The following GLT1D1 variants were observed in gnomAD, a reference collection of about 807,000 sequenced individuals.
GLT1D1 encodes glycosyltransferase 1 domain containing 1.
In GLT1D1, 21 loss-of-function variants were observed where a neutral mutation model predicts 28.7. The ratio of observed to expected loss-of-function variants is 0.73; its 90% CI spans 0.52 to 1.05. GLT1D1 has a LOEUF of 1.05. Ranked by LOEUF, GLT1D1 falls within the 50% of genes least tolerant of loss-of-function variation. The probability of loss-of-function intolerance (pLI) is 0.00; values close to 1 mark genes in which losing one functional copy is unlikely to be tolerated. For missense variants in GLT1D1, 343 were observed against 330.6 expected (o/e 1.04, Z -0.29); for synonymous variants, 147 against 124.8 (o/e 1.18, Z -1.19).
chr12:128,962,425 G>T (rs1565916338), intron 7 of GLT1D1, among the ~76,000 whole-genome samples: 2 of 152,228 alleles, frequency 1.3e-5, no homozygotes, highest in Non-Finnish European at 2.9e-5. Flanking sequence ...CAGCAGCAAT[G>T]AGGTCTTTAG....
chr12:128,959,232 C>T (rs959260790), intron 7 of GLT1D1, among the ~76,000 whole-genome samples: 7 of 151,582 alleles, frequency 4.6e-5, no homozygotes, highest in Non-Finnish European at 1.0e-4. Flanking sequence ...TGCTTAAAAA[C>T]TAAAAACTCA....
intron 1 of GLT1D1, among the ~76,000 whole-genome samples, chr12:128,874,125 T>TTC (rs1240475735): frequency 4.3e-5 from 2 of 46,976 alleles, no homozygotes; most frequent in African/African-American, 1.9e-4. Context: ...TCTCTCTCTC[T>TTC]CTTTCTTTCT....
chr12:128,881,140 C>T (rs978773942), intron 2 of GLT1D1, among the ~76,000 whole-genome samples: 8 of 143,884 alleles, frequency 5.6e-5, no homozygotes, highest in Non-Finnish European at 1.0e-4. Flanking sequence ...AGGCGAGTGG[C>T]GTGAACCCGG....
intron 3 of GLT1D1, among the ~76,000 whole-genome samples, chr12:128,895,601 C>T (rs1440381641): frequency 6.6e-6 from 1 of 152,002 alleles, no homozygotes; most frequent in Non-Finnish European, 1.5e-5. Flanking sequence ...GGATTACAGG[C>T]ATGCACCACC....
chr12:128,972,958 G>A (rs929284587), intron 7 of GLT1D1, among the ~76,000 whole-genome samples: 1 of 152,080 alleles, frequency 6.6e-6, no homozygotes, highest in Non-Finnish European at 1.5e-5. Flanking sequence ...CAACTTTCAA[G>A]TATACTAGAG....
At chr12:128,896,075 C>G (rs1869591054) in intron 3 of GLT1D1, among the ~76,000 whole-genome samples, 1 of 152,046 alleles carries the variant, frequency 6.6e-6, no homozygotes, top group South Asian at 2.1e-4. Flanking sequence ...AGCACAGTTT[C>G]AATGGTGCAG....
chr12:128,933,399 A>T (rs1337114852), intron 4 of GLT1D1, among the ~76,000 whole-genome samples: 1 of 152,274 alleles, frequency 6.6e-6, no homozygotes. Context: ...CTTTTACTTC[A>T]TGCAGTTCAT....
intron 7 of GLT1D1, among the ~76,000 whole-genome samples, chr12:128,981,839 C>T (rs1363040484): frequency 6.6e-6 from 1 of 152,096 alleles, no homozygotes; most frequent in Non-Finnish European, 1.5e-5. Flanking sequence ...CCCTGATTGA[C>T]AGTTGAGGAG....
At chr12:128,874,126 C>T (rs1956808280) in intron 1 of GLT1D1, among the ~76,000 whole-genome samples, 1 of 38,112 alleles carries the variant, frequency 2.6e-5, no homozygotes, top group African/African-American at 9.6e-5. Flanking sequence ...CTCTCTCTCT[C>T]TTTCTTTCTT....
At chr12:128,897,528 T>C (rs549257896) in intron 3 of GLT1D1, among the ~76,000 whole-genome samples, 2 of 152,308 alleles carry the variant, frequency 1.3e-5, no homozygotes, top group African/African-American at 4.8e-5. Context: ...CTTGTTCTCT[T>C]ATATCATTCC....
At chr12:128,917,111 C>T (rs1224128398) in intron 4 of GLT1D1, among the ~76,000 whole-genome samples, 1 of 151,984 alleles carries the variant, frequency 6.6e-6, no homozygotes, top group East Asian at 1.9e-4. Context: ...TTTTCTTTGC[C>T]CATTGAATTG....
Position 128,983,352 on chromosome 12 carries a change from G to A in GLT1D1, c.*262G>A, listed in dbSNP as rs1880518991. On this transcript the variant is annotated 3_prime_UTR_variant, in exon 8 of 8. Transcript: ENST00000281703. The surrounding 1 kb of genome is among the most constrained non-coding windows in gnomAD (Gnocchi z 4.7). Reference sequence around the variant, plus strand: ...ACTGGGTTGACTGGGACAGGGAAAGGGGAACTGGTTTTCAGGGAATTTGGG... The same window carrying A: ...ACTGGGTTGACTGGGACAGGGAAAGAGGAACTGGTTTTCAGGGAATTTGGG... The A allele has an allele frequency of 2.4e-6, 1 of 418,386 alleles. No homozygotes were observed. The highest frequency in any genetic ancestry group is 4.3e-6 in the Non-Finnish European group (1 of 232,342). 25.9% of individuals were successfully genotyped at this position (418,386 alleles called of 1,614,324 possible).
chr12:128,881,976 C>A (rs570517091), intron 2 of GLT1D1, among the ~76,000 whole-genome samples: 1 of 152,016 alleles, frequency 6.6e-6, no homozygotes, highest in African/African-American at 2.4e-5. Flanking sequence ...CCTTTGGAGC[C>A]CATTTCCTTT....
chr12:128,888,041 C>T (rs565326416), intron 2 of GLT1D1, among the ~76,000 whole-genome samples: 6 of 152,204 alleles, frequency 3.9e-5, no homozygotes, highest in Non-Finnish European at 5.9e-5. Flanking sequence ...CCGCACAGGA[C>T]GCGTCACTCG....
rs535845682 is a variant in GLT1D1 at position 128,895,262 on chromosome 12, A to T, written c.324-3974A>T. The stretch of plus-strand genomic sequence containing the variant: ...GCTTGTAAGCCCTCTTAGAGCTTGG[A>T]AATGTATGTATGTATATATGCACAT... On this transcript the variant is annotated intron_variant, in intron 3 of 7. Coordinates refer to ENST00000281703, the MANE Select transcript of GLT1D1 (RefSeq NM_144669.3). 2.0e-5 allele frequency among the ~76,000 whole-genome samples: 3 copies of T among 152,164 alleles called. No homozygotes were observed. The East Asian group carries it at 5.8e-4, about 29-fold the overall frequency.
chr12:128,924,311 C>T (rs565636652), intron 4 of GLT1D1, among the ~76,000 whole-genome samples: 29 of 151,710 alleles, frequency 1.9e-4, no homozygotes, highest in Non-Finnish European at 3.4e-4. Context: ...CCTGTAATCC[C>T]AGCTACTTGG....
At chr12:128,910,626 T>C (rs470396) in intron 4 of GLT1D1, among the ~76,000 whole-genome samples, 150,172 of 151,932 alleles carry the variant, frequency 0.99, 74,243 homozygotes, top group Non-Finnish European at 1. Flanking sequence ...TAATTCAGCA[T>C]AAGGAGTAGT....
intron 1 of GLT1D1, among the ~76,000 whole-genome samples, chr12:128,853,900 G>A (rs573709105): frequency 3.3e-5 from 5 of 152,298 alleles, no homozygotes; most frequent in Admixed American, 1.3e-4. Context: ...GGAGGGGACT[G>A]AGCAGGTGAA....
At chr12:128,887,690 G>A (rs190703824) in intron 2 of GLT1D1, among the ~76,000 whole-genome samples, 1 of 152,282 alleles carries the variant, frequency 6.6e-6, no homozygotes, top group African/African-American at 2.4e-5. Context: ...GACCTAGATA[G>A]AGAGAAAGAA....
Sources: allele counts gnomAD v4.1 joint callset (sites outside exome capture counted in the v4.1 genomes callset), GRCh38; gene constraint gnomAD v4.1.1; non-coding constraint Gnocchi (gnomAD v3.1); transcripts MANE v1.5; gene names NCBI Gene and HGNC (gene_info 2026-07-23, HGNC 2026-07-21).